Variants in HTR7 observed in about 807,000 individuals in gnomAD.
HTR7 encodes 5-hydroxytryptamine receptor 7.
A neutral mutation model predicts 34.0 loss-of-function variants in HTR7; 16 were observed. The ratio of observed to expected loss-of-function variants is 0.47; its 90% CI spans 0.32 to 0.71. HTR7 has a LOEUF of 0.71. Ranked by LOEUF, HTR7 falls within the 30% of genes least tolerant of loss-of-function variation. The probability of loss-of-function intolerance (pLI) is 0.04; values close to 1 mark genes in which losing one functional copy is unlikely to be tolerated. For synonymous variants in HTR7, 265 were observed against 260.2 expected (o/e 1.02, Z -0.18); for missense variants, 504 against 625.5 (o/e 0.81, Z 2.07).
chr10:90,760,452 A>C (rs892616196), intron 1 of HTR7, among the ~76,000 whole-genome samples: 2 of 152,250 alleles, frequency 1.3e-5, no homozygotes, highest in African/African-American at 4.8e-5. Flanking sequence ...GACTATAGTT[A>C]ACAATGCATA....
chr10:90,807,519 C>T (rs1213425498), intron 1 of HTR7, among the ~76,000 whole-genome samples: 2 of 152,194 alleles, frequency 1.3e-5, no homozygotes, highest in African/African-American at 2.4e-5. Context: ...AAAAACCTCC[C>T]CCACTGAGCA....
chr10:90,788,824 G>A (rs1305774539), intron 1 of HTR7, among the ~76,000 whole-genome samples: 3 of 152,176 alleles, frequency 2.0e-5, no homozygotes, highest in African/African-American at 7.2e-5. Flanking sequence ...GGAGGTTGAT[G>A]AAAAAATTCA....
intron 1 of HTR7, among the ~76,000 whole-genome samples, chr10:90,814,479 T>C (rs998120287): frequency 2.6e-5 from 4 of 152,094 alleles, no homozygotes; most frequent in Non-Finnish European, 5.9e-5. Context: ...CAGATGCTAA[T>C]AATACATTAA....
chr10:90,746,305 A>C (rs1844633449), intron 2 of HTR7, among the ~76,000 whole-genome samples: 2 of 152,256 alleles, frequency 1.3e-5, no homozygotes, highest in South Asian at 4.1e-4. Context: ...TTTAAAGATT[A>C]CCATTTTATG....
intron 1 of HTR7, among the ~76,000 whole-genome samples, chr10:90,782,301 C>A (rs1361423322): frequency 2.6e-5 from 4 of 152,120 alleles, no homozygotes; most frequent in Non-Finnish European, 5.9e-5. Flanking sequence ...ACCATTGACC[C>A]CCGCTAAGGC....
At chr10:90,766,968 C>T (rs1845034633) in intron 1 of HTR7, among the ~76,000 whole-genome samples, 1 of 152,180 alleles carries the variant, frequency 6.6e-6, no homozygotes, top group Non-Finnish European at 1.5e-5. Flanking sequence ...TGCAGGTACT[C>T]TAAAGCTGGC....
chr10:90,809,595 G>C (rs945233571), intron 1 of HTR7, among the ~76,000 whole-genome samples: 1 of 152,162 alleles, frequency 6.6e-6, no homozygotes, highest in Non-Finnish European at 1.5e-5. Context: ...TGCCTCCACT[G>C]TGAGACAAAC....
chr10:90,757,269 G>A (rs1298795391), intron 1 of HTR7, among the ~76,000 whole-genome samples: 1 of 152,098 alleles, frequency 6.6e-6, no homozygotes, highest in Non-Finnish European at 1.5e-5. Flanking sequence ...CTTCATACTG[G>A]GGAGAAGCAA....
chr10:90,753,060 T>C (rs1283152013), intron 1 of HTR7, among the ~76,000 whole-genome samples: 1 of 151,920 alleles, frequency 6.6e-6, no homozygotes, highest in Non-Finnish European at 1.5e-5. Context: ...CTGTGAAGAG[T>C]TAAAAGTCAA....
chr10:90,812,461 C>G (rs1319143525), intron 1 of HTR7, among the ~76,000 whole-genome samples: 1 of 146,622 alleles, frequency 6.8e-6, no homozygotes, highest in Non-Finnish European at 1.5e-5. Context: ...ACTCTCTAAT[C>G]AGATGTCCTG....
intron 1 of HTR7, among the ~76,000 whole-genome samples, chr10:90,801,239 T>G (rs1845621077): frequency 6.6e-6 from 1 of 152,208 alleles, no homozygotes; most frequent in South Asian, 2.1e-4. Flanking sequence ...GCCAGCTGGC[T>G]GTAATTTCTC....
chr10:90,818,162 A>G (rs1219584247), intron 1 of HTR7, among the ~76,000 whole-genome samples: 1 of 152,154 alleles, frequency 6.6e-6, no homozygotes, highest in Non-Finnish European at 1.5e-5. Flanking sequence ...GGTGGGGCCA[A>G]ATGGGAGGTG....
At chr10:90,756,221 A>G (rs1013255724) in intron 1 of HTR7, among the ~76,000 whole-genome samples, 6 of 152,242 alleles carry the variant, frequency 3.9e-5, no homozygotes, top group African/African-American at 1.4e-4. Flanking sequence ...ATGAGGGTGC[A>G]GGAGGAAAGC....
intron 1 of HTR7, among the ~76,000 whole-genome samples, chr10:90,829,369 G>A (rs1846129692): frequency 6.6e-6 from 1 of 151,834 alleles, no homozygotes; most frequent in South Asian, 2.1e-4. Context: ...CTTTTTTTGG[G>A]GTTGTCAAAT....
At chr10:90,843,090 A>G (rs1336417341) in intron 1 of HTR7, among the ~76,000 whole-genome samples, 1 of 152,096 alleles carries the variant, frequency 6.6e-6, no homozygotes, top group Non-Finnish European at 1.5e-5. Flanking sequence ...AATCAGAGGC[A>G]CCATTCCCTT....
chr10:90,774,707 C>A (rs900583320), intron 1 of HTR7, among the ~76,000 whole-genome samples: 1 of 152,196 alleles, frequency 6.6e-6, no homozygotes. Context: ...ATCCTCAGTG[C>A]ATGGGCCCCA....
Position 90,827,414 on chromosome 10 carries a change from A to G in HTR7, c.539+29719T>C, listed in dbSNP as rs138630393. Among the ~76,000 whole-genome samples the G allele has an allele frequency of 5.9e-5, 9 of 152,292 alleles. No individual in the cohort carries two copies. The East Asian group carries it at 1.7e-3, about 29-fold the overall frequency. The stretch of plus-strand genomic sequence containing the variant: ...TAAAAATTAAACCAAAAATTAGTCA[A>G]AAAAGACAAAGTGGCTGAATGGATT... On this transcript the variant is annotated intron_variant, in intron 1 of 3. Coordinates refer to ENST00000336152, the MANE Select transcript of HTR7 (RefSeq NM_019859.4).
At chr10:90,795,458 A>G (rs1845523587) in intron 1 of HTR7, among the ~76,000 whole-genome samples, 1 of 152,222 alleles carries the variant, frequency 6.6e-6, no homozygotes, top group African/African-American at 2.4e-5. Flanking sequence ...AGGCTCTCTG[A>G]ATGATAACAA....
intron 1 of HTR7, among the ~76,000 whole-genome samples, chr10:90,845,240 G>C (rs1409867276): frequency 6.6e-6 from 1 of 152,202 alleles, no homozygotes; most frequent in Non-Finnish European, 1.5e-5. Context: ...CACTATTTCT[G>C]TTCTGATGTA....
Sources: gnomAD v4.1 joint callset for allele counts (sites outside exome capture counted in the v4.1 genomes callset) on GRCh38, gnomAD v4.1.1 for gene constraint, MANE v1.5 for transcripts, NCBI Gene and HGNC (gene_info 2026-07-23, HGNC 2026-07-21) for gene names.